Variants in IDE observed in about 807,000 individuals in gnomAD.
IDE encodes insulin degrading enzyme.
In IDE, 58 loss-of-function variants were observed where a neutral mutation model predicts 133.2. The observed-to-expected ratio is 0.44, with a 90% CI of 0.35 to 0.54. The LOEUF (loss-of-function observed/expected upper bound fraction) is 0.54, where lower values mean the gene tolerates loss of function less well. IDE is among the 20% of genes least tolerant of loss of function. The pLI, the probability that IDE is intolerant of heterozygous loss-of-function variation, is 0.00. For synonymous variants in IDE, 396 were observed against 421.3 expected, an observed-to-expected ratio of 0.94 and a Z score of 0.73; for missense variants, 981 against 1,234.0, an observed-to-expected ratio of 0.79 and a Z score of 3.07.
rs1324199805 is a variant in IDE at position 92,531,790 on chromosome 10, C to T, written c.619G>A (p.Ala207Thr). The T allele has an allele frequency of 1.2e-6, 2 of 1,604,116 alleles. No homozygotes were observed. Among genetic ancestry groups the T allele is most frequent in the Non-Finnish European group, 1.7e-6 (2 of 1,174,000 alleles). ...AAGGGGTGTTTAGGATTCCCTGTAG[C>T]TTTTTCCAATTGAAAGAGTCTCCAG... is the stretch of plus-strand genomic sequence containing the variant. ...DAWRLFQLEKATGNPKHPFSK... is the reference protein window; with the variant it reads ...DAWRLFQLEKTTGNPKHPFSK... Residue 207 changes from alanine to threonine, a missense_variant, in exon 4 of 25, where the codon GCT becomes ACT. By Grantham distance (58) the Ala-to-Thr change is moderately conservative. Coordinates refer to ENST00000265986, the MANE Select transcript of IDE (RefSeq NM_004969.4).
intron 16 of IDE, 56 bp downstream of exon 16, chr10:92,475,828 T>C: frequency 1.5e-6 from 1 of 667,550 alleles, no homozygotes. Context: ...ATGAAAACTT[T>C]TTATAATATA....
intron 11 of IDE, among the ~76,000 whole-genome samples, chr10:92,496,486 G>A (rs528553924): frequency 1.4e-4 from 21 of 152,218 alleles, no homozygotes; most frequent in African/African-American, 4.8e-4. Context: ...AATGAGCCAA[G>A]TATGAAACCA....
At chr10:92,511,582 G>A (rs764265359) in intron 5 of IDE, among the ~76,000 whole-genome samples, 1 of 152,156 alleles carries the variant, frequency 6.6e-6, no homozygotes, top group Non-Finnish European at 1.5e-5. Flanking sequence ...GAATTCTCGA[G>A]AGTACTAAAT....
In IDE at chr10:92,479,390, T is replaced by C; in HGVS notation, c.1771A>G (p.Asn591Asp). Residue 591 changes from asparagine (N) to aspartate (D), a missense_variant, in exon 15 of 25, where the codon AAC becomes GAC. Physicochemically the swap from Asn to Asp is conservative, Grantham distance 23 (BLOSUM62 1). Coordinates refer to ENST00000265986, the MANE Select transcript of IDE (RefSeq NM_004969.4). ...AGCTCAAGGTACAAATAGGCCATGT[T>C]ACAGTGCAAGGGGTCCACATAAGCA... is the stretch of plus-strand genomic sequence containing the variant. Reference protein sequence around the residue: ...PFAYVDPLHCNMAYLYLELLK... With the variant: ...PFAYVDPLHCDMAYLYLELLK... The C allele has an allele frequency of 1.2e-6, 2 of 1,613,336 alleles. No homozygotes were observed. Among genetic ancestry groups the C allele is most frequent in the Non-Finnish European group, 1.7e-6 (2 of 1,179,310 alleles).
rs1564647982 is a variant in IDE at position 92,524,446 on chromosome 10, T to TTATATATTATATATTTTATATAATATATA, written c.661+7301_661+7302insTATATATTATATAAAATATATAATATATA. On this transcript the variant is annotated intron_variant, in intron 4 of 24. Transcript: ENST00000265986. ...ATATAATATATTTTATATAATATATTTTATATATTATATATTTTATATAAT... is the reference window on the plus strand; with the variant it reads ...ATATAATATATTTTATATAATATATTTATATATTATATATTTTATATAATATATATTATATATTATATATTTTATATAAT... 2.1e-4 allele frequency among the ~76,000 whole-genome samples: 9 copies of TTATATATTATATATTTTATATAATATATA among 42,958 alleles called. 1 individual carries two copies. The highest frequency in any genetic ancestry group is 9.0e-4 in the Admixed American group (2 of 2,234). The allele number at this position is 42,958 out of a possible 152,430, so 28.2% of individuals were successfully genotyped here. A position where few individuals can be genotyped will look rare whatever the true frequency, so the allele number is the denominator to read the frequency against.
At chr10:92,547,304 G>C (rs188447433) in intron 1 of IDE, among the ~76,000 whole-genome samples, 134 of 150,306 alleles carry the variant, frequency 8.9e-4, no homozygotes, top group African/African-American at 3.1e-3. Context: ...AGGATGACTC[G>C]AACTCCTGGG....
chr10:92,462,817 CAT>C (rs1564592621), intron 21 of IDE, among the ~76,000 whole-genome samples: 1 of 152,258 alleles, frequency 6.6e-6, no homozygotes, highest in Non-Finnish European at 1.5e-5. Flanking sequence ...GAAAAAGATA[CAT>C]GACAATAACA....
rs545028920 is a variant in IDE, at chr10:92,571,169, G to A, written c.98+2753C>T. ...TGGGATTACAAGCGCCCACCACCAC[G>A]CCCGGCTAATTTTTTTGTATTTTTA... On this transcript the variant is annotated intron_variant, in intron 1 of 24. Transcript: ENST00000265986. Among the ~76,000 whole-genome samples, 135 of 151,648 alleles carry A rather than the reference G, an allele frequency of 8.9e-4. 2 individuals carry two copies. The South Asian group carries it at 0.027, about 30-fold the overall frequency.
At chr10:92,514,267 C>T (rs1427385886) in intron 5 of IDE, among the ~76,000 whole-genome samples, 1 of 152,010 alleles carries the variant, frequency 6.6e-6, no homozygotes. Flanking sequence ...TACTTCAAAA[C>T]AAAACTGTGA....
At chr10:92,524,629 A>G (rs2135626835) in intron 4 of IDE, among the ~76,000 whole-genome samples, 1 of 140,274 alleles carries the variant, frequency 7.1e-6, no homozygotes, top group South Asian at 2.1e-4. Context: ...ATGGTTCAAC[A>G]TAAACAAATC....
At chr10:92,534,096 C>G (rs1850098408) in intron 3 of IDE, among the ~76,000 whole-genome samples, 1 of 151,582 alleles carries the variant, frequency 6.6e-6, no homozygotes, top group Non-Finnish European at 1.5e-5. Context: ...TTCAAAATAT[C>G]CCCACGGTTG....
chr10:92,524,380 TATAA>T (rs1849435050), intron 4 of IDE, among the ~76,000 whole-genome samples: 1 of 95,272 alleles, frequency 1.0e-5, no homozygotes, highest in East Asian at 2.6e-4. Flanking sequence ...ATATATTATA[TATAA>T]TATATTTTAT....
At chr10:92,522,953 G>A (rs1486543955) in intron 4 of IDE, among the ~76,000 whole-genome samples, 2 of 152,156 alleles carry the variant, frequency 1.3e-5, no homozygotes, top group African/African-American at 4.8e-5. Flanking sequence ...TCCTGGGTTT[G>A]CCTTGCTTCC....
At chr10:92,520,483 T>G (rs1849164046) in intron 4 of IDE, among the ~76,000 whole-genome samples, 1 of 152,192 alleles carries the variant, frequency 6.6e-6, no homozygotes, top group Non-Finnish European at 1.5e-5. Flanking sequence ...CAGGGAAAGG[T>G]CAACTTGATA....
chr10:92,534,782 G>T lies in IDE; in HGVS notation c.287C>A (p.Ser96Ter), dbSNP rs1476092751. 1 of 1,611,042 alleles carries T rather than the reference G, an allele frequency of 6.2e-7. No individual in the cohort carries two copies. The highest frequency in any genetic ancestry group is 8.5e-7 in the Non-Finnish European group (1 of 1,178,284). ...AGCAATATTTGGAGGATCCGACAATGAACCTGAAAGAGAAAACACGTATAT... is the reference window on the plus strand; with the variant it reads ...AGCAATATTTGGAGGATCCGACAATTAACCTGAAAGAGAAAACACGTATAT... ...SSAALDVHIG[S>*]LSDPPNIAGL... is the part of the protein sequence containing the mutation. The change falls in exon 3 of 25, where the codon TCA becomes TAA. Residue 96 changes from serine to a stop codon, truncating the protein, a stop_gained. Coordinates refer to ENST00000265986, the MANE Select transcript of IDE (RefSeq NM_004969.4). LOFTEE classifies it high-confidence loss of function.
intron 13 of IDE, among the ~76,000 whole-genome samples, chr10:92,485,111 TTCTTTC>T (rs918312560): frequency 9.1e-6 from 1 of 110,446 alleles, no homozygotes; most frequent in African/African-American, 3.9e-5. Flanking sequence ...TTCTTTTTCT[TTCTTTC>T]TTTCTTTCTT....
At chr10:92,468,341 T>C (rs1396157202) in intron 19 of IDE, among the ~76,000 whole-genome samples, 2 of 152,176 alleles carry the variant, frequency 1.3e-5, no homozygotes, top group African/African-American at 4.8e-5. Context: ...TTGACAATAA[T>C]GCTTAATGAG....
At chr10:92,509,941 A>AAC in intron 6 of IDE, 109 bp downstream of exon 6, 1 of 543,684 alleles carries the variant, frequency 1.8e-6, no homozygotes, top group Admixed American at 3.2e-5. Flanking sequence ...AAAAAAAAAC[A>AAC]CAACATAAAT....
intron 12 of IDE, 101 bp from the exon 13 acceptor site, chr10:92,487,419 G>T: frequency 1.0e-6 from 1 of 962,812 alleles, no homozygotes; most frequent in Non-Finnish European, 1.5e-6. Flanking sequence ...GTGCACAAAT[G>T]TCACACAGCA....
Sources: gnomAD v4.1 joint callset for allele counts (sites outside exome capture counted in the v4.1 genomes callset) on GRCh38, gnomAD v4.1.1 for gene constraint, MANE v1.5 for transcripts, NCBI Gene and HGNC (gene_info 2026-07-23, HGNC 2026-07-21) for gene names.